The following USP51 variants were observed in gnomAD, a reference collection of about 807,000 sequenced individuals.
USP51 encodes the protein ubiquitin specific peptidase 51.
In USP51, 5 loss-of-function variants were observed where a neutral mutation model predicts 17.6. The observed-to-expected ratio is 0.28, with a 90% CI of 0.15 to 0.60. USP51 has a LOEUF of 0.60. Among genes scored for constraint, USP51 ranks in the 20% least tolerant of loss-of-function variants. The pLI, the probability that USP51 is intolerant of heterozygous loss-of-function variation, is 0.88. For missense variants in USP51, 459 were observed against 559.5 expected (o/e 0.82, Z 1.81); for synonymous variants, 248 against 216.1 (o/e 1.15, Z -1.29).
intron 1 of USP51, among the ~76,000 whole-genome samples, 56 bp downstream of exon 1, chrX:55,489,720 C>T (rs1054210310): frequency 2.7e-5 from 3 of 112,225 alleles, no homozygotes; most frequent in Non-Finnish European, 5.6e-5. Context: ...TCCCTTTTCC[C>T]TCTCCTGCCC....
chrX:55,489,154 G>A lies in USP51; in HGVS notation c.-50+15C>T. 2.2e-6 allele frequency: 1 copy of A among 463,911 alleles called. No homozygotes were observed. The highest frequency in any genetic ancestry group is 3.7e-6 in the Non-Finnish European group (1 of 273,680). The allele number at this position is 463,911 out of a possible 1,213,427, so 38.2% of individuals were successfully genotyped here. The stretch of plus-strand genomic sequence containing the variant: ...GAGAGGCCCCTGGAGCTGATGGGGA[G>A]ACCGAGGCGGTTACCTGCTTCAAAG... On this transcript the variant is annotated intron_variant, in intron 2 of 2. Coordinates refer to ENST00000500968, the MANE Select transcript of USP51 (RefSeq NM_201286.4).
chrX:55,489,088 G>C, intron 2 of USP51, 81 bp downstream of exon 2: 1 of 816,815 alleles, frequency 1.2e-6, no homozygotes, highest in African/African-American at 2.1e-5. Context: ...ATCGGCCCTT[G>C]AGCTCAGCCC....
Position 55,488,599 on chromosome X carries a change from G to C in USP51, c.341C>G (p.Ser114Cys). 1 of 1,104,587 alleles carries C rather than the reference G, an allele frequency of 9.1e-7. No homozygotes were observed. The highest frequency in any genetic ancestry group is 1.2e-6 in the Non-Finnish European group (1 of 846,463). The allele number at this position is 1,104,587 out of a possible 1,213,427, so 91.0% of individuals were successfully genotyped here. A position where few individuals can be genotyped will look rare whatever the true frequency, so the allele number is the denominator to read the frequency against. Residue 114 changes from serine (S) to cysteine (C), a missense_variant, in exon 3 of 3, where the codon TCC (serine) becomes TGC (cysteine). By Grantham distance (112) the Ser-to-Cys change is moderately radical (BLOSUM62 -1). This residue lies in a region of USP51 where 232 missense variants were observed against 194.0 expected (regional missense o/e 1.20). Transcript: ENST00000500968. ...GGCCGAGAGCCCAGGCTGGCTGCGG[G>C]AGCGGGCCCGGGGCTGGGGCCGAGG... ...PRPRPQPRAR[S>C]RSQPGLSAPP... is the part of the protein sequence containing the mutation.
chrX:55,486,575 T>C lies in USP51; in HGVS notation c.*229A>G. Reference sequence around the variant, plus strand: ...ATTTCATTATGCTTTATGTGACCATTTTCAACCTCTTCTCCCTCTCCCCAT... The same window carrying C: ...ATTTCATTATGCTTTATGTGACCATCTTCAACCTCTTCTCCCTCTCCCCAT... On this transcript the variant is annotated 3_prime_UTR_variant, in exon 3 of 3. Coordinates refer to ENST00000500968, the MANE Select transcript of USP51 (RefSeq NM_201286.4). 1 of 381,013 alleles carries C rather than the reference T, an allele frequency of 2.6e-6. No individual in the cohort carries two copies. The highest frequency in any genetic ancestry group is 7.7e-5 in the South Asian group (1 of 12,950). 31.4% of individuals were successfully genotyped at this position (381,013 alleles called of 1,213,427 possible).
chrX:55,488,326 T>G lies in USP51; in HGVS notation c.614A>C (p.Lys205Thr). The G allele has an allele frequency of 1.7e-6, 2 of 1,211,962 alleles. No individual in the cohort carries two copies. Among genetic ancestry groups the G allele is most frequent in the Non-Finnish European group, 2.2e-6 (2 of 895,468 alleles). The change falls in exon 3 of 3, where the codon AAG becomes ACG. Residue 205 changes from lysine (K) to threonine (T), a missense_variant. By Grantham distance (78) the Lys-to-Thr change is moderately conservative. Around this residue, in one of 2 missense-constraint regions of USP51, gnomAD observed 232 missense variants for 194.0 expected, o/e 1.20. Transcript: ENST00000500968. ...CAACCTCAGGTTCTTCTGCCAGTTC[T>G]TACCTACTTTAAAGCTCTCCACATG... is the stretch of plus-strand genomic sequence containing the variant. ...CSHVESFKVG[K>T]NWQKNLRLIY...
Position 55,485,625 on chromosome X carries a change from T to A in USP51, c.*1179A>T, listed in dbSNP as rs1193004480. 3 of 111,163 alleles carry A rather than the reference T, an allele frequency of 2.7e-5. No individual in the cohort carries two copies. Among genetic ancestry groups the A allele is most frequent in the Non-Finnish European group, 5.7e-5 (3 of 52,932 alleles). The allele number at this position is 111,163 out of a possible 1,213,427, so 9.2% of individuals were successfully genotyped here. A position where few individuals can be genotyped will look rare whatever the true frequency, so the allele number is the denominator to read the frequency against. On this transcript the variant is annotated 3_prime_UTR_variant, in exon 3 of 3. Coordinates refer to ENST00000500968, the MANE Select transcript of USP51 (RefSeq NM_201286.4). ...TATGCTTAAATAAAAAAATAGAACT[T>A]CTTAAACTTTTAATTTTAATAATTT... is the stretch of plus-strand genomic sequence containing the variant.
Position 55,486,708 on chromosome X carries a change from G to A in USP51, c.*96C>T. The A allele has an allele frequency of 9.3e-7, 1 of 1,071,784 alleles. No individual in the cohort carries two copies. The highest frequency in any genetic ancestry group is 1.2e-6 in the Non-Finnish European group (1 of 805,395). The allele number at this position is 1,071,784 out of a possible 1,213,427, so 88.3% of individuals were successfully genotyped here. A position where few individuals can be genotyped will look rare whatever the true frequency, so the allele number is the denominator to read the frequency against. ...TATCAAGATACTAGCTGTCACATAG[G>A]TGTTACTGTCATTGTCCATTCCAAG... On this transcript the variant is annotated 3_prime_UTR_variant, in exon 3 of 3. Coordinates refer to ENST00000500968, the MANE Select transcript of USP51 (RefSeq NM_201286.4).
rs2031300475 is a variant in USP51 at position 55,485,492 on chromosome X, C to CAACAT, written c.*1307_*1311dup. Reference sequence around the variant, plus strand: ...CCTTTTCCAACGTATATTGATATATCAACATAAAGCTCAAAAAAAAAAATA... The same window carrying CAACAT: ...CCTTTTCCAACGTATATTGATATATCAACATAACATAAAGCTCAAAAAAAAAAATA... On this transcript the variant is annotated 3_prime_UTR_variant, in exon 3 of 3. Coordinates refer to ENST00000500968, the MANE Select transcript of USP51 (RefSeq NM_201286.4). 2.0e-5 allele frequency: 2 copies of CAACAT among 101,023 alleles called. No homozygotes were observed. Among genetic ancestry groups the CAACAT allele is most frequent in the Non-Finnish European group, 4.0e-5 (2 of 49,935 alleles). The allele number at this position is 101,023 out of a possible 1,213,427, so 8.3% of individuals were successfully genotyped here.
rs1189967647 is a variant in USP51 at position 55,488,296 on chromosome X, T to C, written c.644A>G (p.Tyr215Cys). The change falls in exon 3 of 3, where the codon TAC (tyrosine) becomes TGC (cysteine). Residue 215 changes from tyrosine (Y) to cysteine (C), a missense_variant. By Grantham distance (194) the Tyr-to-Cys change is radical. Transcript: ENST00000500968. ...KNWQKNLRLI[Y>C]QRFVWSGTPE... ...GGTCCCACTCCAAACGAAACGCTGG[T>C]AGATCAACCTCAGGTTCTTCTGCCA... 1 of 1,212,146 alleles carries C rather than the reference T, an allele frequency of 8.2e-7. No individual in the cohort carries two copies.
In USP51 at chrX:55,488,419, C is replaced by T. The variant is rs199774786; in HGVS notation, c.521G>A (p.Gly174Glu). The stretch of plus-strand genomic sequence containing the variant: ...CCAGTCCCCTAAGCCGCCAGGATCC[C>T]CCGACCCGTCTAGGTCACCAGAGCA... ...RSCSGDLDGS[G>E]DPGGLGDWLL... The change falls in exon 3 of 3, where the codon GGG becomes GAG. Residue 174 changes from glycine to glutamate, a missense_variant. Gly to Glu is a moderately conservative substitution (Grantham distance 98). Transcript: ENST00000500968. The T allele has an allele frequency of 2.6e-5, 31 of 1,209,862 alleles. No individual in the cohort carries two copies. Among genetic ancestry groups the T allele is most frequent in the Non-Finnish European group, 3.5e-5 (31 of 894,920 alleles).
At position 55,487,373 on chromosome X, in the gene USP51, C is replaced by G. The variant is rs1161361075; in HGVS notation, c.1567G>C (p.Ala523Pro). The G allele has an allele frequency of 8.3e-7, 1 of 1,211,819 alleles. No individual in the cohort carries two copies. Among genetic ancestry groups the G allele is most frequent in the East Asian group, 3.0e-5 (1 of 33,850 alleles). Residue 523 changes from alanine (A) to proline (P), a missense_variant, in exon 3 of 3, where the codon GCC (alanine) becomes CCC (proline). By Grantham distance (27) the Ala-to-Pro change is conservative. Coordinates refer to ENST00000500968, the MANE Select transcript of USP51 (RefSeq NM_201286.4). ...DISLDLPGSC[A>P]TFDSQNPERA... is the part of the protein sequence containing the mutation. ...TCTGGGTTCTGGGAATCGAATGTGG[C>G]ACAAGAGCCAGGCAAGTCCAAACTG...
At position 55,486,218 on chromosome X, in the gene USP51, T is replaced by G. The variant is rs1183423164; in HGVS notation, c.*586A>C. 2 of 111,936 alleles carry G rather than the reference T, an allele frequency of 1.8e-5. No individual in the cohort carries two copies. Among genetic ancestry groups the G allele is most frequent in the Admixed American group, 1.9e-4 (2 of 10,665 alleles). The allele number at this position is 111,936 out of a possible 1,213,427, so 9.2% of individuals were successfully genotyped here. A position where few individuals can be genotyped will look rare whatever the true frequency, so the allele number is the denominator to read the frequency against. On this transcript the variant is annotated 3_prime_UTR_variant, in exon 3 of 3. Transcript: ENST00000500968. ...TTAAAATTCTGAAACTTCTTTAAATTAAAAAATTATTTTTAACTTTTAAAA... is the reference window on the plus strand; with the variant it reads ...TTAAAATTCTGAAACTTCTTTAAATGAAAAAATTATTTTTAACTTTTAAAA...
In USP51 at chrX:55,488,185, C is replaced by T; in HGVS notation, c.755G>A (p.Cys252Tyr). ...CTCAGTGAAGCAGCCAAAAAAGACA[C>T]AGGAGAGACAAGAGTGGAGTCTGTT... Reference protein sequence around the residue: ...HMNRLHSCLSCVFFGCFTEKH... With the variant: ...HMNRLHSCLSYVFFGCFTEKH... Residue 252 changes from cysteine (C) to tyrosine (Y), a missense_variant, in exon 3 of 3, where the codon TGT (cysteine) becomes TAT (tyrosine). This residue lies in a region of USP51 where 227 missense variants were observed against 365.5 expected (regional missense o/e 0.62). Transcript: ENST00000500968. The T allele has an allele frequency of 8.3e-7, 1 of 1,211,723 alleles. No homozygotes were observed. Among genetic ancestry groups the T allele is most frequent in the Non-Finnish European group, 1.1e-6 (1 of 895,514 alleles).
chrX:55,489,335 G>C lies in USP51; in HGVS notation c.-216C>G, dbSNP rs2146648397. ...GCGCCCTGCGCAGCCTCGCTTTGGT[G>C]CAGCTTCCTCTGACGTTCTTTCCCT... On this transcript the variant is annotated 5_prime_UTR_variant, in exon 2 of 3. Transcript: ENST00000500968. 1 of 153,436 alleles carries C rather than the reference G, an allele frequency of 6.5e-6. No individual in the cohort carries two copies. Among genetic ancestry groups the C allele is most frequent in the South Asian group, 2.3e-4 (1 of 4,296 alleles). The allele number at this position is 153,436 out of a possible 1,213,427, so 12.6% of individuals were successfully genotyped here.
Position 55,485,827 on chromosome X carries a change from T to C in USP51, c.*977A>G, listed in dbSNP as rs2031307611. Reference sequence around the variant, plus strand: ...GTCTCTATTTTCTTCCTGTATTTTTTCAATTTTTGTCTTTAAACACATTTT... The same window carrying C: ...GTCTCTATTTTCTTCCTGTATTTTTCCAATTTTTGTCTTTAAACACATTTT... On this transcript the variant is annotated 3_prime_UTR_variant, in exon 3 of 3. Transcript: ENST00000500968. The C allele has an allele frequency of 9.0e-6, 1 of 111,267 alleles. No individual in the cohort carries two copies. The highest frequency in any genetic ancestry group is 3.7e-4 in the South Asian group (1 of 2,733). 9.2% of individuals were successfully genotyped at this position (111,267 alleles called of 1,213,427 possible).
At position 55,488,531 on chromosome X, in the gene USP51, G is replaced by A; in HGVS notation, c.409C>T (p.Pro137Ser). 1 of 1,044,039 alleles carries A rather than the reference G, an allele frequency of 9.6e-7. No homozygotes were observed. The highest frequency in any genetic ancestry group is 1.2e-6 in the Non-Finnish European group (1 of 817,577). 86.0% of individuals were successfully genotyped at this position (1,044,039 alleles called of 1,213,427 possible). Residue 137 changes from proline to serine, a missense_variant, in exon 3 of 3, where the codon CCG (proline) becomes TCG (serine). Pro to Ser is a moderately conservative substitution (Grantham distance 74). Coordinates refer to ENST00000500968, the MANE Select transcript of USP51 (RefSeq NM_201286.4). ...PARPPPPPPP[P>S]PPPAPRPRAW... is the part of the protein sequence containing the mutation. ...CTGGGCCGCGGTGCGGGTGGGGGCG[G>A]GGGTGGCGGCGGGGGCGGGGGCCGG...
chrX:55,487,650 C>T lies in USP51; in HGVS notation c.1290G>A (p.Lys430=), dbSNP rs773287625. The part of the protein sequence containing the change: ...SGSRTPHIPY[K]LLHLIWIHAE... ...CATGGATCCATATCAGATGCAGTAA[C>T]TTATAGGGAATGTGAGGAGTTCGGC... Residue 430 remains lysine (K), a synonymous_variant, in exon 3 of 3, where the codon AAG becomes AAA. Coordinates refer to ENST00000500968, the MANE Select transcript of USP51 (RefSeq NM_201286.4). 3 of 1,211,814 alleles carry T rather than the reference C, an allele frequency of 2.5e-6. No individual in the cohort carries two copies. The Admixed American group carries it at 6.5e-5, about 26-fold the overall frequency.
In USP51 at chrX:55,486,262, CAACTT is replaced by C. The variant is rs1168885862; in HGVS notation, c.*537_*541del. On this transcript the variant is annotated 3_prime_UTR_variant, in exon 3 of 3. Coordinates refer to ENST00000500968, the MANE Select transcript of USP51 (RefSeq NM_201286.4). ...TTTAAAATATTTCTTTTAAAAATAA[CAACTT>C]AAATTTTTTTCAACATTTAAAAGTT... 3.6e-5 allele frequency: 4 copies of C among 111,297 alleles called. No individual in the cohort carries two copies. Among genetic ancestry groups the C allele is most frequent in the Admixed American group, 1.9e-4 (2 of 10,629 alleles). 9.2% of individuals were successfully genotyped at this position (111,297 alleles called of 1,213,427 possible).
At position 55,488,566 on chromosome X, in the gene USP51, G is replaced by C. The variant is rs1390601884; in HGVS notation, c.374C>G (p.Pro125Arg). 4.6e-5 allele frequency: 47 copies of C among 1,020,095 alleles called. No homozygotes were observed. Among genetic ancestry groups the C allele is most frequent in the African/African-American group, 2.0e-4 (10 of 49,194 alleles). 84.1% of individuals were successfully genotyped at this position (1,020,095 alleles called of 1,213,427 possible). Residue 125 changes from proline to arginine, a missense_variant, in exon 3 of 3, where the codon CCG becomes CGG. Coordinates refer to ENST00000500968, the MANE Select transcript of USP51 (RefSeq NM_201286.4). ...RSQPGLSAPP[P>R]PPARPPPPPP... is the part of the protein sequence containing the mutation. Reference sequence around the variant, plus strand: ...CGGGGGCGGGGGCCGGGCTGGAGGCGGGGGTGGGGCCGAGAGCCCAGGCTG... The same window carrying C: ...CGGGGGCGGGGGCCGGGCTGGAGGCCGGGGTGGGGCCGAGAGCCCAGGCTG...
Sources: allele counts gnomAD v4.1 joint callset (sites outside exome capture counted in the v4.1 genomes callset), GRCh38; gene constraint gnomAD v4.1.1; regional missense constraint gnomAD v4.1.1; transcripts MANE v1.5; gene names NCBI Gene and HGNC (gene_info 2026-07-23, HGNC 2026-07-21).